The following MAGI2 variants were observed in gnomAD, a reference collection of about 807,000 sequenced individuals.
MAGI2 encodes the protein membrane associated guanylate kinase, WW and PDZ domain containing 2.
MAGI2 carries 35 observed loss-of-function variants against 133.3 expected under a neutral mutation model. The ratio of observed to expected loss-of-function variants is 0.26; its 90% CI spans 0.20 to 0.35. The LOEUF (loss-of-function observed/expected upper bound fraction) is 0.35, where lower values mean the gene tolerates loss of function less well. MAGI2 is among the 10% of genes least tolerant of loss of function. The pLI is 1.00. For synonymous variants in MAGI2, 729 were observed against 710.6 expected, an observed-to-expected ratio of 1.03 and a Z score of -0.41; for missense variants, 1,636 against 1,863.4, an observed-to-expected ratio of 0.88 and a Z score of 2.25.
intron 1 of MAGI2, among the ~76,000 whole-genome samples, chr7:79,320,674 T>C (rs1839114572): frequency 1.3e-5 from 2 of 152,138 alleles, no homozygotes; most frequent in South Asian, 4.1e-4. Context: ...CATTTTTGCA[T>C]AGATATTTTG....
At chr7:79,253,865 G>T (rs530878647) in intron 1 of MAGI2, among the ~76,000 whole-genome samples, 1 of 152,186 alleles carries the variant, frequency 6.6e-6, no homozygotes, top group Admixed American at 6.5e-5. Context: ...GAACACAATA[G>T]AATAATGTAC....
At chr7:79,384,785 CTT>C (rs1456519371) in intron 1 of MAGI2, among the ~76,000 whole-genome samples, 3 of 151,582 alleles carry the variant, frequency 2.0e-5, no homozygotes, top group Non-Finnish European at 3.0e-5. Context: ...TTTTAGGACA[CTT>C]TGTGTTTTTG....
At chr7:79,377,940 C>T (rs894946585) in intron 1 of MAGI2, among the ~76,000 whole-genome samples, 3 of 151,758 alleles carry the variant, frequency 2.0e-5, no homozygotes, top group Non-Finnish European at 2.9e-5. Context: ...GCACAAAGTT[C>T]TAATGTGTGT....
intron 1 of MAGI2, among the ~76,000 whole-genome samples, chr7:79,157,672 T>C (rs1823917658): frequency 6.6e-6 from 1 of 152,064 alleles, no homozygotes; most frequent in South Asian, 2.1e-4. Context: ...TGCCAGAGTT[T>C]GTATAAAATG....
intron 1 of MAGI2, among the ~76,000 whole-genome samples, chr7:79,369,499 C>A: frequency 6.6e-6 from 1 of 152,110 alleles, no homozygotes; most frequent in East Asian, 1.9e-4. Flanking sequence ...GTATAAAAAC[C>A]TGTTGTAGAG....
intron 1 of MAGI2, among the ~76,000 whole-genome samples, chr7:79,162,803 C>T (rs1397096018): frequency 6.6e-6 from 1 of 151,976 alleles, no homozygotes; most frequent in Non-Finnish European, 1.5e-5. Context: ...TGCTGTAAGC[C>T]TGTAACACAA....
chr7:79,089,261 C>A (rs1210884629), intron 1 of MAGI2, among the ~76,000 whole-genome samples: 1 of 152,086 alleles, frequency 6.6e-6, no homozygotes, highest in African/African-American at 2.4e-5. Context: ...GAGGTACCAT[C>A]TCACACCAGT....
At chr7:78,047,626 C>G (rs1029976847) in intron 21 of MAGI2, among the ~76,000 whole-genome samples, 1 of 152,218 alleles carries the variant, frequency 6.6e-6, no homozygotes, top group African/African-American at 2.4e-5. Flanking sequence ...GCCTTTGTCT[C>G]TGCTCACCTG....
At chr7:78,625,487 A>G (rs1394769015) in intron 3 of MAGI2, among the ~76,000 whole-genome samples, 3 of 152,198 alleles carry the variant, frequency 2.0e-5, no homozygotes, top group African/African-American at 7.2e-5. Context: ...AAAAGTTTAT[A>G]AAGTAAAAAG....
intron 2 of MAGI2, among the ~76,000 whole-genome samples, chr7:78,927,583 T>C (rs2151648841): frequency 6.6e-6 from 1 of 152,050 alleles, no homozygotes; most frequent in Admixed American, 6.6e-5. Flanking sequence ...AGAACTTTAT[T>C]AAATGATTTC....
chr7:78,462,391 C>T (rs1438820470), intron 6 of MAGI2, among the ~76,000 whole-genome samples: 1 of 152,158 alleles, frequency 6.6e-6, no homozygotes, highest in Non-Finnish European at 1.5e-5. Context: ...TATCGCTATT[C>T]TGAAATAAAC....
chr7:79,451,544 T>C (rs1849250599), intron 1 of MAGI2, among the ~76,000 whole-genome samples: 1 of 152,210 alleles, frequency 6.6e-6, no homozygotes, highest in African/African-American at 2.4e-5. Flanking sequence ...CTATCTCAAT[T>C]TATTACCTCT....
chr7:79,277,643 T>C (rs1451587697), intron 1 of MAGI2, among the ~76,000 whole-genome samples: 2 of 152,142 alleles, frequency 1.3e-5, no homozygotes, highest in African/African-American at 2.4e-5. Flanking sequence ...TATTTAACAA[T>C]GGGCATTGAC....
At chr7:78,895,125 G>T (rs1797098780) in intron 2 of MAGI2, among the ~76,000 whole-genome samples, 1 of 152,080 alleles carries the variant, frequency 6.6e-6, no homozygotes. Flanking sequence ...ATAGGTTAAT[G>T]GATTGATGGA....
rs548676943 is a variant in MAGI2 at position 78,752,580 on chromosome 7, G to A, written c.419-125341C>T. 2.4e-4 allele frequency among the ~76,000 whole-genome samples: 37 copies of A among 152,296 alleles called. No homozygotes were observed. The South Asian group carries it at 7.5e-3, about 31-fold the overall frequency. On this transcript the variant is annotated intron_variant, in intron 2 of 21. Transcript: ENST00000354212. ...GTGGCACTGCTGCACTCCAGCCTGG[G>A]CAACAGAGCAGGACTCCATCTCAAA...
intron 2 of MAGI2, among the ~76,000 whole-genome samples, chr7:78,921,929 C>T (rs552568677): frequency 7.9e-5 from 12 of 152,074 alleles, no homozygotes; most frequent in Non-Finnish European, 1.3e-4. Context: ...CCACTGTGTC[C>T]GGCCCAGATT....
chr7:78,514,772 C>T (rs941091090), intron 4 of MAGI2, among the ~76,000 whole-genome samples: 22 of 152,160 alleles, frequency 1.4e-4, no homozygotes, highest in South Asian at 2.1e-4. Context: ...GCACAGTCAG[C>T]GTGCCAAGCA....
At chr7:78,241,048 G>C (rs1292510174) in intron 10 of MAGI2, among the ~76,000 whole-genome samples, 2 of 151,788 alleles carry the variant, frequency 1.3e-5, no homozygotes, top group African/African-American at 4.8e-5. Context: ...TTTCCTCCTA[G>C]GAGGCAAACT....
chr7:78,866,497 T>C (rs1794565502), intron 2 of MAGI2, among the ~76,000 whole-genome samples: 1 of 152,072 alleles, frequency 6.6e-6, no homozygotes, highest in African/African-American at 2.4e-5. Context: ...GTCAAGTTTC[T>C]ATCTCTACCT....
Sources: gnomAD v4.1 joint callset for allele counts (sites outside exome capture counted in the v4.1 genomes callset) on GRCh38, gnomAD v4.1.1 for gene constraint, MANE v1.5 for transcripts, NCBI Gene and HGNC (gene_info 2026-07-23, HGNC 2026-07-21) for gene names.